Variants in TMEM164 observed in about 807,000 individuals in gnomAD.
The protein encoded by TMEM164 is transmembrane protein 164.
TMEM164 carries 4 observed loss-of-function variants against 18.8 expected under a neutral mutation model. The ratio of observed to expected loss-of-function variants is 0.21; its 90% CI spans 0.10 to 0.49. The LOEUF (loss-of-function observed/expected upper bound fraction) is 0.49. Ranked by LOEUF, TMEM164 falls within the 20% of genes least tolerant of loss-of-function variation. The probability of loss-of-function intolerance (pLI) is 0.98; values close to 1 mark genes in which losing one functional copy is unlikely to be tolerated. For missense variants in TMEM164, 108 were observed against 239.9 expected, an observed-to-expected ratio of 0.45 and a Z score of 3.63; for synonymous variants, 86 against 101.7, an observed-to-expected ratio of 0.85 and a Z score of 0.93.
chrX:110,020,778 G>T, intron 2 of TMEM164: 1 of 603,912 alleles, frequency 1.7e-6, no homozygotes, highest in Non-Finnish European at 2.0e-6. Context: ...AATATTTATG[G>T]CATCAGTGTT....
intron 3 of TMEM164, among the ~76,000 whole-genome samples, chrX:110,102,688 C>G (rs1232383908): frequency 8.9e-6 from 1 of 111,850 alleles, no homozygotes; most frequent in Non-Finnish European, 1.9e-5. Context: ...TTATTAAATT[C>G]TCTAACCCTT....
intron 2 of TMEM164, among the ~76,000 whole-genome samples, chrX:110,056,024 G>A (rs1184406728): frequency 9.0e-6 from 1 of 111,589 alleles, no homozygotes; most frequent in Non-Finnish European, 1.9e-5. Context: ...GCTTTATTGG[G>A]TTATAATCAT....
intron 3 of TMEM164, among the ~76,000 whole-genome samples, chrX:110,073,971 G>C (rs78799681): frequency 2.7e-5 from 3 of 109,162 alleles, no homozygotes; most frequent in East Asian, 2.9e-4. Flanking sequence ...TCATCCTCCC[G>C]GGTCCAAGTG....
chrX:110,141,976 A>C (rs1017393720), intron 4 of TMEM164, among the ~76,000 whole-genome samples: 1 of 111,669 alleles, frequency 9.0e-6, no homozygotes, highest in Non-Finnish European at 1.9e-5. Flanking sequence ...TGGCCCCCTG[A>C]AGTAGAGAAG....
intron 2 of TMEM164, chrX:110,020,779 C>A (rs766115693): frequency 1.7e-6 from 1 of 597,905 alleles, no homozygotes; most frequent in Non-Finnish European, 2.0e-6. Context: ...ATATTTATGG[C>A]ATCAGTGTTG....
At chrX:110,084,366 A>ATATATACTATATATATAT (rs1185953773) in intron 3 of TMEM164, among the ~76,000 whole-genome samples, 3 of 60,309 alleles carry the variant, frequency 5.0e-5, no homozygotes, top group African/African-American at 2.3e-4. Context: ...TATATAGTAT[A>ATATATACTATATATATAT]GTATATATAT....
At chrX:110,173,181 C>A in intron 6 of TMEM164, 64 bp from the exon 7 acceptor site, 1 of 1,125,009 alleles carries the variant, frequency 8.9e-7, no homozygotes, top group Non-Finnish European at 1.2e-6. Context: ...GATGGCTGAA[C>A]TGGCAGAAGC....
chrX:110,012,746 C>G (rs1569293095), intron 2 of TMEM164, among the ~76,000 whole-genome samples: 1 of 112,257 alleles, frequency 8.9e-6, no homozygotes, highest in South Asian at 3.7e-4. Context: ...TTACTCAGCT[C>G]TTTCCTGGCT....
intron 4 of TMEM164, among the ~76,000 whole-genome samples, chrX:110,123,343 G>A (rs772001495): frequency 2.5e-4 from 28 of 112,414 alleles, no homozygotes; most frequent in African/African-American, 8.1e-4. Context: ...TTGAAACTGA[G>A]TGTGCATTGT....
chrX:110,087,951 G>A (rs1299821594), intron 3 of TMEM164, among the ~76,000 whole-genome samples: 4 of 111,860 alleles, frequency 3.6e-5, no homozygotes, highest in Admixed American at 1.9e-4. Context: ...GTGAGCCAAG[G>A]TAGACGAGGG....
At chrX:110,095,969 C>T (rs182079063) in intron 3 of TMEM164, among the ~76,000 whole-genome samples, 1 of 112,490 alleles carries the variant, frequency 8.9e-6, no homozygotes, top group African/African-American at 3.2e-5. Flanking sequence ...ACCCGTTTGC[C>T]TGGGTATCAC....
At chrX:110,068,017 C>T (rs754895225) in intron 3 of TMEM164, among the ~76,000 whole-genome samples, 1 of 112,595 alleles carries the variant, frequency 8.9e-6, no homozygotes, top group South Asian at 3.6e-4. Context: ...CTTATCAAAC[C>T]TTTTATTAGA....
intron 3 of TMEM164, among the ~76,000 whole-genome samples, chrX:110,073,909 G>A (rs771610388): frequency 9.0e-6 from 1 of 110,517 alleles, no homozygotes; most frequent in Non-Finnish European, 1.9e-5. Flanking sequence ...ACAGAATCTC[G>A]CTTTGTTGCC....
downstream of TMEM164, among the ~76,000 whole-genome samples, chrX:110,183,079 A>G (rs2067329363): frequency 8.9e-6 from 1 of 112,229 alleles, no homozygotes; most frequent in African/African-American, 3.2e-5. Context: ...GATGAGGCCG[A>G]TTAGGGTGCT....
intron 4 of TMEM164, among the ~76,000 whole-genome samples, chrX:110,134,125 C>T (rs1374528901): frequency 1.8e-5 from 2 of 111,637 alleles, no homozygotes. Flanking sequence ...TTTATGGGCT[C>T]AAAGTATTTG....
At chrX:110,107,912 T>A (rs1172733378) in intron 3 of TMEM164, among the ~76,000 whole-genome samples, 2 of 110,800 alleles carry the variant, frequency 1.8e-5, no homozygotes, top group African/African-American at 6.6e-5. Flanking sequence ...TGCCAGCCTC[T>A]GCCTCCCAAA....
intron 3 of TMEM164, among the ~76,000 whole-genome samples, chrX:110,071,902 TA>T (rs2065597837): frequency 9.2e-6 from 1 of 108,814 alleles, no homozygotes; most frequent in African/African-American, 3.3e-5. Context: ...CTCCATCTTT[TA>T]AAAAAAACAA....
intron 5 of TMEM164, among the ~76,000 whole-genome samples, chrX:110,163,292 C>T (rs772904814): frequency 2.7e-5 from 3 of 112,064 alleles, no homozygotes; most frequent in South Asian, 7.5e-4. Flanking sequence ...TCAAATGTTC[C>T]AGTAGTCGCA....
chrX:110,112,041 C>G (rs192291473), intron 4 of TMEM164, among the ~76,000 whole-genome samples: 1 of 110,531 alleles, frequency 9.0e-6, no homozygotes, highest in Non-Finnish European at 1.9e-5. Flanking sequence ...GAACTCATTT[C>G]TAATAAAAAA....
Sources: allele counts gnomAD v4.1 joint callset (sites outside exome capture counted in the v4.1 genomes callset), GRCh38; gene constraint gnomAD v4.1.1; transcripts MANE v1.5; gene names NCBI Gene and HGNC (gene_info 2026-07-23, HGNC 2026-07-21).